Variants in ALAS1 observed in about 807,000 individuals in gnomAD.
ALAS1 encodes 5-aminolevulinate synthase, non-specific, mitochondrial.
In ALAS1, 29 loss-of-function variants were observed where a neutral mutation model predicts 59.6. That is an observed-to-expected ratio of 0.49 (90% CI 0.36 to 0.66). The LOEUF (loss-of-function observed/expected upper bound fraction) is 0.66, where lower values mean the gene tolerates loss of function less well. ALAS1 is among the 30% of genes least tolerant of loss of function. ALAS1 has a pLI of 0.00. For missense variants in ALAS1, 690 were observed against 807.5 expected (o/e 0.85, Z 1.76); for synonymous variants, 299 against 296.6 (o/e 1.01, Z -0.08).
In ALAS1 at chr3:52,212,354, G is replaced by A; in HGVS notation, c.1696G>A (p.Gly566Arg). Residue 566 changes from glycine to arginine, a missense_variant, in exon 11 of 12, where the codon GGA becomes AGA. Transcript: ENST00000484952. ...QAINYPTVPR[G>R]EELLRIAPTP... ...AATCAATTACCCTACGGTGCCCCGG[G>A]GAGAAGAGCTCCTACGGATTGCCCC... The A allele has an allele frequency of 6.2e-7, 1 of 1,614,124 alleles. No homozygotes were observed. Among genetic ancestry groups the A allele is most frequent in the Non-Finnish European group, 8.5e-7 (1 of 1,180,024 alleles).
chr3:52,208,386 T>A, intron 9 of ALAS1, 139 bp downstream of exon 9: 1 of 929,026 alleles, frequency 1.1e-6, no homozygotes, highest in Non-Finnish European at 1.6e-6. Flanking sequence ...TGGCCCAGCT[T>A]AGTGGAATCC....
At position 52,214,295 on chromosome 3, in the gene ALAS1, TAG is replaced by T; in HGVS notation, c.*116_*117del. 2.0e-6 allele frequency: 2 copies of T among 1,003,066 alleles called. No homozygotes were observed. Among genetic ancestry groups the T allele is most frequent in the East Asian group, 2.7e-5 (1 of 37,542 alleles). The allele number at this position is 1,003,066 out of a possible 1,614,324, so 62.1% of individuals were successfully genotyped here. On this transcript the variant is annotated 3_prime_UTR_variant, in exon 12 of 12. Coordinates refer to ENST00000484952, the MANE Select transcript of ALAS1 (RefSeq NM_000688.6). ...TAAATTTTAATCTATAGTAAAAACA[TAG>T]TCCTGGAAATAAATTCTTGCTTAAA...
chr3:52,205,947 A>G lies in ALAS1; in HGVS notation c.909A>G (p.Lys303=). ...GGGAGCTGGCAGACCTCCATGGGAA[A>G]GATGCCGCACTCTTGTTTTCCTCGT... ...LERELADLHG[K]DAALLFSSCF... Residue 303 remains lysine, a synonymous_variant, in exon 7 of 12, where the codon AAA becomes AAG. Coordinates refer to ENST00000484952, the MANE Select transcript of ALAS1 (RefSeq NM_000688.6). The G allele has an allele frequency of 6.2e-7, 1 of 1,614,214 alleles. No homozygotes were observed. Among genetic ancestry groups the G allele is most frequent in the Non-Finnish European group, 8.5e-7 (1 of 1,180,026 alleles).
chr3:52,199,469 G>T (rs1478583222), intron 3 of ALAS1, 29 bp downstream of exon 3: 7 of 1,602,116 alleles, frequency 4.4e-6, no homozygotes, highest in Non-Finnish European at 5.1e-6. Context: ...GAAGGAGCAG[G>T]TATGGGTGTT....
At chr3:52,206,844 T>A in intron 8 of ALAS1, 93 bp downstream of exon 8, 1 of 1,424,940 alleles carries the variant, frequency 7.0e-7, no homozygotes, top group Non-Finnish European at 9.5e-7. Flanking sequence ...TTTTTAATTT[T>A]TTTTTTTTGT....
chr3:52,208,366 CTCTT>C (rs1380637915), intron 9 of ALAS1, 119 bp downstream of exon 9: 11 of 1,163,642 alleles, frequency 9.5e-6, no homozygotes, highest in Non-Finnish European at 1.3e-5. Flanking sequence ...GCCTGGGCCA[CTCTT>C]TCTTTTGGCC....
Position 52,208,164 on chromosome 3 carries a change from T to TG in ALAS1, c.1251dup (p.Leu418AlafsTer45). The TG allele has an allele frequency of 6.2e-7, 1 of 1,613,520 alleles. No individual in the cohort carries two copies. Among genetic ancestry groups the TG allele is most frequent in the Admixed American group, 1.7e-5 (1 of 59,972 alleles). ...ACCTTCGTGGATGAGGTCCACGCAG[T>TG]GGGGCTTTATGGGGCTCGAGGCGGA... On this transcript the variant is annotated frameshift_variant, in exon 9 of 12. Transcript: ENST00000484952. LOFTEE classifies it high-confidence loss of function.
intron 3 of ALAS1, among the ~76,000 whole-genome samples, chr3:52,200,600 G>C (rs1253098180): frequency 1.3e-5 from 2 of 152,210 alleles, no homozygotes; most frequent in Non-Finnish European, 2.9e-5. Flanking sequence ...GCTGGATGTG[G>C]TGGTGTACGC....
At chr3:52,198,152 G>T, upstream of ALAS1, 1 of 398,412 alleles carries the variant, frequency 2.5e-6, no homozygotes, top group Non-Finnish European at 4.4e-6. Flanking sequence ...GCCGGCGATC[G>T]CGGCCTGAGG....
At chr3:52,212,140 A>G (rs1699422566) in intron 10 of ALAS1, 118 bp from the exon 11 acceptor site, 2 of 867,132 alleles carry the variant, frequency 2.3e-6, no homozygotes, top group South Asian at 1.6e-5. Flanking sequence ...CCAAGCTTGC[A>G]TGTGTTGCTA....
chr3:52,199,548 T>C lies in ALAS1; in HGVS notation c.199+108T>C, dbSNP rs72955288. ...AGGGTCACACTCACTCACAGAGGGC[T>C]GCTATGTGCAGGCTGGGCTCTGAGC... On this transcript the variant is annotated intron_variant, in intron 3 of 11. Transcript: ENST00000484952. The C allele has an allele frequency of 6.1e-4, 640 of 1,053,830 alleles. 2 individuals are homozygous for C. In the African/African-American group the frequency reaches 9.5e-3, roughly 16 times the overall value. 65.3% of individuals were successfully genotyped at this position (1,053,830 alleles called of 1,614,324 possible). A position where few individuals can be genotyped will look rare whatever the true frequency, so the allele number is the denominator to read the frequency against.
rs1250937031 is a variant in ALAS1 at position 52,211,312 on chromosome 3, A to G, written c.1360A>G (p.Ile454Val). 2.3e-5 allele frequency: 37 copies of G among 1,614,186 alleles called. No individual in the cohort carries two copies. Among genetic ancestry groups the G allele is most frequent in the Non-Finnish European group, 3.1e-5 (37 of 1,180,032 alleles). ...GKAFGCVGGY[I>V]ASTSSLIDTV... is the part of the protein sequence containing the mutation. ...AGCCTTTGGTTGTGTTGGAGGGTAC[A>G]TCGCCAGCACGAGTTCTCTGATTGA... is the stretch of plus-strand genomic sequence containing the variant. The change falls in exon 10 of 12, where the codon ATC becomes GTC. Residue 454 changes from isoleucine (I) to valine (V), a missense_variant. By Grantham distance (29) the Ile-to-Val change is conservative (BLOSUM62 3). Transcript: ENST00000484952.
At position 52,211,287 on chromosome 3, in the gene ALAS1, A is replaced by T. The variant is rs1356654061; in HGVS notation, c.1335A>T (p.Lys445Asn). 1 of 1,612,092 alleles carries T rather than the reference A, an allele frequency of 6.2e-7. No homozygotes were observed. ...KMDIISGTLG[K>N]AFGCVGGYIA... Reference sequence around the variant, plus strand: ...AATGAAGCTATCTCCTCCCAGGCAAAGCCTTTGGTTGTGTTGGAGGGTACA... The same window carrying T: ...AATGAAGCTATCTCCTCCCAGGCAATGCCTTTGGTTGTGTTGGAGGGTACA... The change falls in exon 10 of 12, where the codon AAA becomes AAT. Residue 445 changes from lysine (K) to asparagine (N), a missense_variant. Physicochemically the swap from Lys to Asn is moderately conservative, Grantham distance 94 (BLOSUM62 0). Coordinates refer to ENST00000484952, the MANE Select transcript of ALAS1 (RefSeq NM_000688.6).
rs773177952 is a variant in ALAS1, at chr3:52,199,488, T to C, written c.199+48T>C. On this transcript the variant is annotated intron_variant, in intron 3 of 11. Transcript: ENST00000484952. ...GAGCAGGTATGGGTGTTTGTGCTCATTGGTAGACTAGAAGCAGTCCCCACA... is the reference window on the plus strand; with the variant it reads ...GAGCAGGTATGGGTGTTTGTGCTCACTGGTAGACTAGAAGCAGTCCCCACA... 2.6e-6 allele frequency: 4 copies of C among 1,568,192 alleles called. No homozygotes were observed. The East Asian group carries it at 6.8e-5, about 27-fold the overall frequency.
chr3:52,204,564 C>A lies in ALAS1; in HGVS notation c.578-129C>A, dbSNP rs972890447. ...CACGACATACAGTCTTATTTACTTA[C>A]AAGATGAGGACATCAAATAACCTGC... is the stretch of plus-strand genomic sequence containing the variant. On this transcript the variant is annotated intron_variant, in intron 5 of 11. Transcript: ENST00000484952. The A allele has an allele frequency of 7.0e-6, 5 of 712,750 alleles. No individual in the cohort carries two copies. In the African/African-American group the frequency reaches 7.1e-5, roughly 10 times the overall value. The allele number at this position is 712,750 out of a possible 1,614,324, so 44.2% of individuals were successfully genotyped here.
chr3:52,213,982 A>G (rs758227883), intron 11 of ALAS1, 38 bp from the exon 12 acceptor site: 6 of 1,572,900 alleles, frequency 3.8e-6, no homozygotes, highest in African/African-American at 1.4e-5. Context: ...TCTTGTGTAT[A>G]TTACTCCCTT....
chr3:52,198,575 C>G, intron 1 of ALAS1, 97 bp from the exon 2 acceptor site: 1 of 571,142 alleles, frequency 1.8e-6, no homozygotes, highest in Non-Finnish European at 3.1e-6. Flanking sequence ...TCTCCAGACT[C>G]AACTCCCTCG....
intron 9 of ALAS1, 57 bp from the exon 10 acceptor site, chr3:52,211,226 G>A (rs1452946186): frequency 1.3e-6 from 2 of 1,586,354 alleles, no homozygotes; most frequent in East Asian, 4.5e-5. Context: ...ACCTTGCTGT[G>A]TCCATTTAGA....
intron 3 of ALAS1, among the ~76,000 whole-genome samples, chr3:52,201,321 T>C (rs1699182203): frequency 6.6e-6 from 1 of 152,240 alleles, no homozygotes; most frequent in African/African-American, 2.4e-5. Context: ...TATGTGAATG[T>C]GATATACCCC....
Sources: gnomAD v4.1 joint callset for allele counts (sites outside exome capture counted in the v4.1 genomes callset) on GRCh38, gnomAD v4.1.1 for gene constraint, MANE v1.5 for transcripts, NCBI Gene and HGNC (gene_info 2026-07-23, HGNC 2026-07-21) for gene names.